The following CTCFL variants were observed in gnomAD, a reference collection of about 807,000 sequenced individuals.
The protein encoded by CTCFL is CCCTC-binding factor like.
Under a neutral mutation model 67.4 loss-of-function variants are expected in CTCFL, and 36 were observed. The observed-to-expected ratio is 0.53, with a 90% CI of 0.41 to 0.71. The LOEUF (loss-of-function observed/expected upper bound fraction) is 0.71, where lower values mean the gene tolerates loss of function less well. Ranked by LOEUF, CTCFL falls within the 30% of genes least tolerant of loss-of-function variation. CTCFL has a pLI of 0.00. For synonymous variants in CTCFL, 324 were observed against 302.3 expected (o/e 1.07, Z -0.75); for missense variants, 786 against 835.2 (o/e 0.94, Z 0.73).
intron 8 of CTCFL, among the ~76,000 whole-genome samples, chr20:57,509,329 T>G (rs1489581565): frequency 6.9e-6 from 1 of 144,548 alleles, no homozygotes; most frequent in East Asian, 2.1e-4. Context: ...TCTGTCACAA[T>G]CATAGCTCAC....
intron 7 of CTCFL, chr20:57,514,017 C>G: frequency 1.7e-5 from 11 of 641,626 alleles, no homozygotes; most frequent in Non-Finnish European, 2.5e-5. Flanking sequence ...CTCTCCCACT[C>G]TGTGGGGTGT....
chr20:57,513,416 C>T (rs369085396), intron 7 of CTCFL: 3 of 988,618 alleles, frequency 3.0e-6, no homozygotes, highest in East Asian at 1.1e-4. Flanking sequence ...AGCTACTCCA[C>T]CTTACCCACA....
In CTCFL at chr20:57,520,224, T is replaced by C. The variant is rs1328608309; in HGVS notation, c.755-847A>G. On this transcript the variant is annotated intron_variant, in intron 3 of 10. Coordinates refer to ENST00000243914, the MANE Select transcript of CTCFL (RefSeq NM_001386993.1). Reference sequence around the variant, plus strand: ...GCCTGGCAGAAATTAATATATACCATCCCTTGAAGAACCCACTTTCACCCC... The same window carrying C: ...GCCTGGCAGAAATTAATATATACCACCCCTTGAAGAACCCACTTTCACCCC... Among the ~76,000 whole-genome samples, 5 of 152,060 alleles carry C rather than the reference T, an allele frequency of 3.3e-5. No homozygotes were observed. In the East Asian group the frequency reaches 9.6e-4, roughly 29 times the overall value.
chr20:57,523,651 A>G lies in CTCFL; in HGVS notation c.543+12T>C. 1 of 1,597,640 alleles carries G rather than the reference A, an allele frequency of 6.3e-7. No homozygotes were observed. The highest frequency in any genetic ancestry group is 8.5e-7 in the Non-Finnish European group (1 of 1,171,362). ...TTTCATGTAAGGGGTTGTTTATTAAAACCAGCTGTACCTTGATCAGTCCAG... is the reference window on the plus strand; with the variant it reads ...TTTCATGTAAGGGGTTGTTTATTAAGACCAGCTGTACCTTGATCAGTCCAG... On this transcript the variant is annotated intron_variant, in intron 2 of 10. Coordinates refer to ENST00000243914, the MANE Select transcript of CTCFL (RefSeq NM_001386993.1).
In CTCFL at chr20:57,500,413, G is replaced by A. The variant is rs1196640343; in HGVS notation, c.1841-1712C>T. 2.3e-5 allele frequency: 4 copies of A among 174,986 alleles called. No individual in the cohort carries two copies. In the East Asian group the frequency reaches 7.4e-4, roughly 33 times the overall value. The allele number at this position is 174,986 out of a possible 1,614,324, so 10.8% of individuals were successfully genotyped here. A position where few individuals can be genotyped will look rare whatever the true frequency, so the allele number is the denominator to read the frequency against. On this transcript the variant is annotated intron_variant, in intron 10 of 10. Coordinates refer to ENST00000243914, the MANE Select transcript of CTCFL (RefSeq NM_001386993.1). ...GTTGCGGTGAGCTGAGATCACACCT[G>A]GAGTATAAAGTGAAACTCTGTCTTA... is the stretch of plus-strand genomic sequence containing the variant.
intron 8 of CTCFL, among the ~76,000 whole-genome samples, chr20:57,510,854 TAAAAAATA>T (rs762232880): frequency 2.0e-5 from 3 of 152,112 alleles, no homozygotes; most frequent in Non-Finnish European, 4.4e-5. Context: ...AGACTCCGTC[TAAAAAATA>T]AAAAAATAAA....
At chr20:57,495,976 A>G, downstream of CTCFL, 1 of 314,442 alleles carries the variant, frequency 3.2e-6, no homozygotes, top group Non-Finnish European at 5.8e-6. Context: ...GTTTTCAAAC[A>G]TATTTATGTT....
At chr20:57,513,421 C>T (rs1255971102) in intron 7 of CTCFL, 2 of 988,694 alleles carry the variant, frequency 2.0e-6, no homozygotes, top group Non-Finnish European at 2.4e-6. Context: ...CTCCACCTTA[C>T]CCACAGTGAC....
At chr20:57,514,022 GGGT>G in intron 7 of CTCFL, 1 of 612,434 alleles carries the variant, frequency 1.6e-6, no homozygotes, top group African/African-American at 1.9e-5. Context: ...CCACTCTGTG[GGGT>G]GTGACAGTTA....
intron 10 of CTCFL, among the ~76,000 whole-genome samples, chr20:57,500,652 G>A (rs940848317): frequency 7.9e-5 from 12 of 152,042 alleles, no homozygotes; most frequent in African/African-American, 2.9e-4. Flanking sequence ...GGATATGACC[G>A]CTGACCATCA....
At chr20:57,519,398 A>C in intron 3 of CTCFL, 21 bp from the exon 4 acceptor site, 1 of 1,605,294 alleles carries the variant, frequency 6.2e-7, no homozygotes, top group Middle Eastern at 1.7e-4. Flanking sequence ...GAAATAGTTT[A>C]TGTATTTGTT....
intron 4 of CTCFL, 80 bp from the exon 5 acceptor site, chr20:57,518,971 A>C: frequency 6.8e-7 from 1 of 1,472,600 alleles, no homozygotes; most frequent in Non-Finnish European, 9.1e-7. Context: ...TTTTAATTAC[A>C]CTCAGTCTCA....
At chr20:57,522,135 C>T (rs1463049077) in intron 3 of CTCFL, among the ~76,000 whole-genome samples, 2 of 152,118 alleles carry the variant, frequency 1.3e-5, no homozygotes, top group Non-Finnish European at 2.9e-5. Context: ...ACTCAACCAC[C>T]TATGGAAGGC....
rs930671279 is a variant in CTCFL at position 57,498,085 on chromosome 20, A to G, written c.*465T>C. On this transcript the variant is annotated 3_prime_UTR_variant, in exon 11 of 11. Transcript: ENST00000243914. The stretch of plus-strand genomic sequence containing the variant: ...TGTTTAAAACCATATATTATTAGAA[A>G]TATCATGGGTGTATATAATGCAACA... 27 of 920,844 alleles carry G rather than the reference A, an allele frequency of 2.9e-5. No individual in the cohort carries two copies. Among genetic ancestry groups the G allele is most frequent in the Non-Finnish European group, 3.5e-5 (27 of 771,180 alleles). The allele number at this position is 920,844 out of a possible 1,614,324, so 57.0% of individuals were successfully genotyped here.
chr20:57,512,792 G>A (rs2068649761), intron 7 of CTCFL, 40 bp from the exon 8 acceptor site: 1 of 1,594,036 alleles, frequency 6.3e-7, no homozygotes, highest in Non-Finnish European at 8.6e-7. Context: ...CAAGAGTGTT[G>A]TTTTCTGTTA....
rs751595953 is a variant in CTCFL, at chr20:57,519,422, C to T, written c.755-45G>A. ...TATGTATTTGTTAGAGGTTCAAATT[C>T]CATTTAAATACTTGAAAGTAAATCA... On this transcript the variant is annotated intron_variant, in intron 3 of 10. Coordinates refer to ENST00000243914, the MANE Select transcript of CTCFL (RefSeq NM_001386993.1). The T allele has an allele frequency of 2.0e-5, 30 of 1,536,952 alleles. No individual in the cohort carries two copies. The East Asian group carries it at 5.4e-4, about 28-fold the overall frequency.
chr20:57,517,822 A>G (rs1293880053), intron 5 of CTCFL, among the ~76,000 whole-genome samples: 1 of 151,998 alleles, frequency 6.6e-6, no homozygotes, highest in African/African-American at 2.4e-5. Flanking sequence ...TGTACTAAGC[A>G]CCGGCAGGAC....
chr20:57,523,073 G>T lies in CTCFL; in HGVS notation c.749C>A (p.Thr250Lys), dbSNP rs370819527. ...KAKSTKNQRK[T>K]KGAKGTFHCD... ...TATGAGATGAACTGGCCTACCCTTTGTCTTTCTTTGATTTTTTGTAGATTT... is the reference window on the plus strand; with the variant it reads ...TATGAGATGAACTGGCCTACCCTTTTTCTTTCTTTGATTTTTTGTAGATTT... The change falls in exon 3 of 11, where the codon ACA (threonine) becomes AAA (lysine). Residue 250 changes from threonine (T) to lysine (K), a missense_variant. By Grantham distance (78) the Thr-to-Lys change is moderately conservative. This residue lies in a region of CTCFL where 333 missense variants were observed against 304.6 expected (regional missense o/e 1.09). Coordinates refer to ENST00000243914, the MANE Select transcript of CTCFL (RefSeq NM_001386993.1). 1.2e-6 allele frequency: 2 copies of T among 1,613,152 alleles called. No homozygotes were observed. Among genetic ancestry groups the T allele is most frequent in the Non-Finnish European group, 1.7e-6 (2 of 1,179,514 alleles).
intron 3 of CTCFL, 87 bp from the exon 4 acceptor site, chr20:57,519,464 A>C: frequency 4.2e-6 from 5 of 1,201,024 alleles, no homozygotes; most frequent in Non-Finnish European, 6.0e-6. Flanking sequence ...CGTCCTTTCA[A>C]CTAACGTGGG....
Sources: gnomAD v4.1 joint callset for allele counts (sites outside exome capture counted in the v4.1 genomes callset) on GRCh38, gnomAD v4.1.1 for gene constraint, gnomAD v4.1.1 regional missense constraint, MANE v1.5 for transcripts, NCBI Gene and HGNC (gene_info 2026-07-23, HGNC 2026-07-21) for gene names.